Variants in TACR3 observed in about 807,000 individuals in gnomAD.
TACR3 encodes the protein tachykinin receptor 3.
Under a neutral mutation model 35.0 loss-of-function variants are expected in TACR3, and 34 were observed. The ratio of observed to expected loss-of-function variants is 0.97; its 90% CI spans 0.74 to 1.30. TACR3 has a LOEUF of 1.30. TACR3 is among the 50% of genes most tolerant of loss of function. The pLI is 0.00. For synonymous variants in TACR3, 233 were observed against 221.1 expected, an observed-to-expected ratio of 1.05 and a Z score of -0.48; for missense variants, 558 against 591.7, an observed-to-expected ratio of 0.94 and a Z score of 0.59.
chr4:103,618,476 A>G (rs1350970201), intron 3 of TACR3, among the ~76,000 whole-genome samples: 1 of 147,402 alleles, frequency 6.8e-6, no homozygotes, highest in African/African-American at 2.5e-5. Flanking sequence ...TGTTTTGGTT[A>G]CTGTGGCTTT....
chr4:103,661,729 T>C (rs555729110), intron 1 of TACR3, among the ~76,000 whole-genome samples: 2 of 152,290 alleles, frequency 1.3e-5, no homozygotes, highest in East Asian at 3.9e-4. Flanking sequence ...TTTACTTGAA[T>C]TACATGGAAA....
intron 3 of TACR3, among the ~76,000 whole-genome samples, chr4:103,599,723 T>G (rs1724144291): frequency 6.6e-6 from 1 of 152,144 alleles, no homozygotes; most frequent in African/African-American, 2.4e-5. Flanking sequence ...CATGTGCTTT[T>G]TGTCATTGGT....
intron 1 of TACR3, among the ~76,000 whole-genome samples, chr4:103,691,767 C>T (rs1162659055): frequency 6.6e-6 from 1 of 152,182 alleles, no homozygotes; most frequent in African/African-American, 2.4e-5. Context: ...TCTTAAGCCA[C>T]AAACAATAGC....
At chr4:103,634,893 C>A (rs550985690) in intron 3 of TACR3, among the ~76,000 whole-genome samples, 19 of 152,136 alleles carry the variant, frequency 1.2e-4, no homozygotes, top group African/African-American at 2.2e-4. Flanking sequence ...TTATGCATCT[C>A]TCAAGTAAGA....
intron 3 of TACR3, among the ~76,000 whole-genome samples, chr4:103,631,540 T>A (rs967711610): frequency 4.6e-5 from 7 of 152,154 alleles, no homozygotes; most frequent in Non-Finnish European, 1.0e-4. Flanking sequence ...GAATAGGCCT[T>A]ACTTTCAGTC....
chr4:103,612,548 T>C (rs1724535361), intron 3 of TACR3, among the ~76,000 whole-genome samples: 1 of 152,152 alleles, frequency 6.6e-6, no homozygotes, highest in Non-Finnish European at 1.5e-5. Context: ...AGCCTCGCTC[T>C]GTCACCCAGG....
At chr4:103,615,398 T>TGTGA (rs367881970) in intron 3 of TACR3, among the ~76,000 whole-genome samples, 1,405 of 117,172 alleles carry the variant, frequency 0.012, 5 homozygotes, top group Non-Finnish European at 0.019. Context: ...TGTGTGTGTG[T>TGTGA]GAGAGAGAGA....
intron 3 of TACR3, among the ~76,000 whole-genome samples, chr4:103,596,776 C>G (rs1399171462): frequency 6.6e-6 from 1 of 151,752 alleles, no homozygotes; most frequent in Non-Finnish European, 1.5e-5. Context: ...ACAAGAGTCC[C>G]CAGTGTGTGA....
chr4:103,650,654 A>T (rs1298312943), intron 3 of TACR3, among the ~76,000 whole-genome samples: 1 of 47,568 alleles, frequency 2.1e-5, no homozygotes, highest in Non-Finnish European at 3.2e-5. Context: ...TAATATATAT[A>T]AATATATATA....
At chr4:103,713,505 G>C (rs1160178471) in intron 1 of TACR3, among the ~76,000 whole-genome samples, 1 of 150,536 alleles carries the variant, frequency 6.6e-6, no homozygotes, top group Admixed American at 6.6e-5. Flanking sequence ...ATAGCATTAG[G>C]AAATATACCT....
intron 4 of TACR3, 95 bp downstream of exon 4, chr4:103,591,392 A>G: frequency 1.4e-6 from 2 of 1,478,560 alleles, no homozygotes; most frequent in South Asian, 1.1e-5. Context: ...TTCCTTCTGC[A>G]TTTTGAATTT....
chr4:103,708,902 A>G (rs1193818281), intron 1 of TACR3, among the ~76,000 whole-genome samples: 1 of 152,242 alleles, frequency 6.6e-6, no homozygotes, highest in Non-Finnish European at 1.5e-5. Flanking sequence ...AAGAAAGGGT[A>G]TCAGTGATTG....
rs1052420542 is a variant in TACR3 at position 103,643,301 on chromosome 4, T to C, written c.888+12893A>G. On this transcript the variant is annotated intron_variant, in intron 3 of 4. Coordinates refer to ENST00000304883, the MANE Select transcript of TACR3 (RefSeq NM_001059.3). The stretch of plus-strand genomic sequence containing the variant: ...GTTCAGATATGGAACATTTCTATCA[T>C]TGAAAAACTTTTTATTGGACAGCAC... Among the ~76,000 whole-genome samples, 45 of 151,852 alleles carry C rather than the reference T, an allele frequency of 3.0e-4. 1 individual carries two copies. Among genetic ancestry groups the C allele is most frequent in the Non-Finnish European group, 1.6e-4 (11 of 67,890 alleles).
intron 3 of TACR3, among the ~76,000 whole-genome samples, chr4:103,631,397 A>G (rs1352548683): frequency 6.6e-6 from 1 of 152,146 alleles, no homozygotes; most frequent in Non-Finnish European, 1.5e-5. Flanking sequence ...ACTGCATACT[A>G]TATCAATAAT....
chr4:103,633,259 C>T (rs1231282150), intron 3 of TACR3, among the ~76,000 whole-genome samples: 1 of 151,764 alleles, frequency 6.6e-6, no homozygotes, highest in Non-Finnish European at 1.5e-5. Flanking sequence ...AATATGTGGT[C>T]TTATTATAAT....
At chr4:103,701,565 G>A (rs552640811) in intron 1 of TACR3, among the ~76,000 whole-genome samples, 1 of 152,138 alleles carries the variant, frequency 6.6e-6, no homozygotes, top group South Asian at 2.1e-4. Flanking sequence ...AGTACATATG[G>A]AACCAAAAAA....
intron 1 of TACR3, among the ~76,000 whole-genome samples, chr4:103,678,077 T>C (rs1221119473): frequency 1.3e-5 from 2 of 152,134 alleles, no homozygotes; most frequent in Non-Finnish European, 2.9e-5. Flanking sequence ...AAAACAGTTT[T>C]GTTGAATGGA....
At chr4:103,669,085 G>A (rs921336944) in intron 1 of TACR3, among the ~76,000 whole-genome samples, 1 of 151,804 alleles carries the variant, frequency 6.6e-6, no homozygotes, top group Non-Finnish European at 1.5e-5. Context: ...TCTGTGCTTG[G>A]CTTATTTCAC....
intron 3 of TACR3, among the ~76,000 whole-genome samples, chr4:103,616,358 CAT>C (rs967436157): frequency 1.6e-4 from 25 of 151,824 alleles, no homozygotes; most frequent in African/African-American, 5.3e-4. Context: ...ACATAAATAA[CAT>C]ATGGAGTATA....
Sources: allele counts gnomAD v4.1 joint callset (sites outside exome capture counted in the v4.1 genomes callset), GRCh38; gene constraint gnomAD v4.1.1; transcripts MANE v1.5; gene names NCBI Gene and HGNC (gene_info 2026-07-23, HGNC 2026-07-21).